Variants in CALN1 observed in about 807,000 individuals in gnomAD.
CALN1 encodes the protein calcium-binding protein 8.
Under a neutral mutation model 30.6 loss-of-function variants are expected in CALN1, and 17 were observed. The observed-to-expected ratio is 0.56, with a 90% confidence interval of 0.38 to 0.83. The LOEUF is 0.83. Ranked by LOEUF, CALN1 falls within the 40% of genes least tolerant of loss-of-function variation. CALN1 has a pLI of 0.00. For synonymous variants in CALN1, 156 were observed against 131.4 expected (o/e 1.19, Z -1.28); for missense variants, 291 against 354.9 (o/e 0.82, Z 1.45).
At chr7:71,994,885 C>G (rs1211337668) in intron 5 of CALN1, among the ~76,000 whole-genome samples, 1 of 146,014 alleles carries the variant, frequency 6.8e-6, no homozygotes, top group South Asian at 2.2e-4. Flanking sequence ...CGGAGTCTGG[C>G]TCTGTCCCCC....
chr7:72,090,106 C>T (rs1337734101), intron 4 of CALN1, among the ~76,000 whole-genome samples: 1 of 152,066 alleles, frequency 6.6e-6, no homozygotes, highest in South Asian at 2.1e-4. Flanking sequence ...GAGACTAGCC[C>T]GGCCAACATG....
At chr7:71,831,962 G>A (rs569646842) in intron 5 of CALN1, among the ~76,000 whole-genome samples, 3 of 143,024 alleles carry the variant, frequency 2.1e-5, no homozygotes, top group African/African-American at 7.8e-5. Context: ...AATATGCAAA[G>A]TAATACAAAT....
At chr7:72,003,192 CA>C (rs766622533) in intron 5 of CALN1, among the ~76,000 whole-genome samples, 1 of 152,114 alleles carries the variant, frequency 6.6e-6, no homozygotes, top group East Asian at 1.9e-4. Flanking sequence ...TTAATTAACA[CA>C]AAAAATCACA....
At chr7:72,381,070 T>C (rs1804869518) in intron 2 of CALN1, among the ~76,000 whole-genome samples, 1 of 152,040 alleles carries the variant, frequency 6.6e-6, no homozygotes, top group African/African-American at 2.4e-5. Context: ...TCCTGAAAAA[T>C]AAACCAAAGT....
At chr7:72,114,680 C>A (rs950762889) in intron 3 of CALN1, among the ~76,000 whole-genome samples, 1 of 152,088 alleles carries the variant, frequency 6.6e-6, no homozygotes, top group Non-Finnish European at 1.5e-5. Flanking sequence ...GCTACGAAGG[C>A]AGAGGGAAGT....
At chr7:72,315,448 T>G (rs750093084) in intron 2 of CALN1, among the ~76,000 whole-genome samples, 6 of 152,152 alleles carry the variant, frequency 3.9e-5, no homozygotes, top group Non-Finnish European at 7.4e-5. Context: ...CCACTTTAGC[T>G]GTCAAATTTT....
chr7:72,065,418 G>A (rs1192739906), intron 4 of CALN1, among the ~76,000 whole-genome samples: 1 of 151,152 alleles, frequency 6.6e-6, no homozygotes, highest in Non-Finnish European at 1.5e-5. Context: ...ATAGTCTTGA[G>A]AGCCACCCCA....
At chr7:72,489,082 T>G in the CALN1 span, among the ~76,000 whole-genome samples, 1 of 152,152 alleles carries the variant, frequency 6.6e-6, no homozygotes, top group Non-Finnish European at 1.5e-5. Context: ...TTGGGCCCTG[T>G]GAGTCCATCC....
In CALN1 at chr7:72,054,437, A is replaced by ACG. The variant is rs1279706467; in HGVS notation, c.389-30669_389-30668insCG. Among the ~76,000 whole-genome samples the ACG allele has an allele frequency of 5.4e-4, 33 of 61,412 alleles. 1 individual carries two copies. In the East Asian group the frequency reaches 8.0e-3, roughly 15 times the overall value. The allele number at this position is 61,412 out of a possible 152,430, so 40.3% of individuals were successfully genotyped here. On this transcript the variant is annotated intron_variant, in intron 4 of 6. Coordinates refer to ENST00000395275, the MANE Select transcript of CALN1 (RefSeq NM_031468.4). Reference sequence around the variant, plus strand: ...TATATACGTGTATATATACACGTATATATATATATACATATATATACATAT... The same window carrying ACG: ...TATATACGTGTATATATACACGTATACGTATATATATACATATATATACATAT...
intron 5 of CALN1, among the ~76,000 whole-genome samples, chr7:72,010,055 G>A (rs548790015): frequency 2.1e-4 from 32 of 152,248 alleles, no homozygotes; most frequent in Non-Finnish European, 4.3e-4. Flanking sequence ...TAACAAAATT[G>A]CTGCAATTTG....
At chr7:72,061,603 T>C (rs1220873923) in intron 4 of CALN1, among the ~76,000 whole-genome samples, 2 of 151,762 alleles carry the variant, frequency 1.3e-5, no homozygotes, top group Non-Finnish European at 2.9e-5. Flanking sequence ...GCTAGTGAAT[T>C]TGAAGATAGG....
At chr7:72,399,811 C>G (rs1019518917) in intron 2 of CALN1, among the ~76,000 whole-genome samples, 1 of 152,128 alleles carries the variant, frequency 6.6e-6, no homozygotes, top group Non-Finnish European at 1.5e-5. Context: ...GAGATGGGGC[C>G]TAGTGGGAGG....
upstream of CALN1, among the ~76,000 whole-genome samples, chr7:72,413,864 G>T (rs1007852638): frequency 2.0e-5 from 2 of 99,448 alleles, no homozygotes. Flanking sequence ...ACACACACTC[G>T]TATACACATG....
chr7:72,277,956 G>A (rs551350093), intron 3 of CALN1, among the ~76,000 whole-genome samples: 5 of 137,988 alleles, frequency 3.6e-5, no homozygotes, highest in East Asian at 4.6e-4. Flanking sequence ...GACCTCAGCC[G>A]ATGTAGTACC....
intron 5 of CALN1, among the ~76,000 whole-genome samples, chr7:71,865,571 C>T (rs939252083): frequency 1.3e-5 from 2 of 152,198 alleles, no homozygotes; most frequent in Admixed American, 6.5e-5. Context: ...TTCCCTGCCT[C>T]GTTGGCTTTA....
the CALN1 span, among the ~76,000 whole-genome samples, chr7:72,486,283 C>T: frequency 3.3e-5 from 5 of 152,158 alleles, no homozygotes; most frequent in South Asian, 2.1e-4. Flanking sequence ...CATTATGCAA[C>T]GTGTGACTTA....
At chr7:72,487,960 AAG>A in the CALN1 span, among the ~76,000 whole-genome samples, 1 of 112,130 alleles carries the variant, frequency 8.9e-6, no homozygotes, top group Admixed American at 8.4e-5. Context: ...GAAGGAAAGG[AAG>A]GAAGGAAGGA....
At chr7:72,043,617 A>G (rs1802269423) in intron 4 of CALN1, among the ~76,000 whole-genome samples, 2 of 152,062 alleles carry the variant, frequency 1.3e-5, no homozygotes, top group South Asian at 4.2e-4. Context: ...AAAAATAAAA[A>G]AAACTTGGCC....
At chr7:72,124,825 A>G (rs923020811) in intron 3 of CALN1, among the ~76,000 whole-genome samples, 8 of 152,142 alleles carry the variant, frequency 5.3e-5, no homozygotes, top group Admixed American at 5.2e-4. Flanking sequence ...ATAGTCTTTG[A>G]TATGTGAAAA....
Sources: gnomAD v4.1 joint callset for allele counts (sites outside exome capture counted in the v4.1 genomes callset) on GRCh38, gnomAD v4.1.1 for gene constraint, MANE v1.5 for transcripts, NCBI Gene and HGNC (gene_info 2026-07-23, HGNC 2026-07-21) for gene names.